MAFK: variants seen among roughly 807,000 people sequenced by gnomAD.
MAFK encodes the protein transcription factor MafK.
A neutral mutation model predicts 9.2 loss-of-function variants in MAFK; 1 was observed. The ratio of observed to expected loss-of-function variants is 0.11; its 90% CI spans 0.04 to 0.52. MAFK has a LOEUF of 0.52. Ranked by LOEUF, MAFK falls within the 20% of genes least tolerant of loss-of-function variation. MAFK has a pLI of 0.94. For synonymous variants in MAFK, 110 were observed against 107.4 expected, an observed-to-expected ratio of 1.02 and a Z score of -0.15; for missense variants, 207 against 236.0, an observed-to-expected ratio of 0.88 and a Z score of 0.81.
At chr7:1,539,003 G>T in intron 1 of MAFK, 146 bp from the exon 2 acceptor site, 1 of 671,526 alleles carries the variant, frequency 1.5e-6, no homozygotes. Flanking sequence ...GGACGGGCTG[G>T]GCCCGGATGG....
intron 2 of MAFK, 98 bp from the exon 3 acceptor site, chr7:1,539,843 C>T (rs572049105): frequency 2.6e-5 from 28 of 1,057,094 alleles, no homozygotes; most frequent in South Asian, 1.5e-4. Flanking sequence ...AGAGCGCAGG[C>T]GTGCAGGGGC....
At chr7:1,537,434 G>A (rs972182054) in intron 1 of MAFK, 12 of 985,520 alleles carry the variant, frequency 1.2e-5, no homozygotes, top group Middle Eastern at 1.0e-3. Flanking sequence ...CGGTGCCCGC[G>A]GCCCCTCCCT....
chr7:1,537,252 C>T (rs763896641), intron 1 of MAFK: 295 of 410,530 alleles, frequency 7.2e-4, no homozygotes, highest in Admixed American at 7.7e-4. Context: ...CTTTTCCGCC[C>T]GGCTGTGCTG....
Position 1,540,418 on chromosome 7 carries a change from A to AT in MAFK, c.*43_*44insT. 3.2e-6 allele frequency: 1 copy of AT among 311,350 alleles called. No individual in the cohort carries two copies. Among genetic ancestry groups the AT allele is most frequent in the Non-Finnish European group, 5.9e-6 (1 of 168,324 alleles). 19.3% of individuals were successfully genotyped at this position (311,350 alleles called of 1,614,324 possible). On this transcript the variant is annotated 3_prime_UTR_variant, in exon 3 of 3. Transcript: ENST00000343242. ...GGGTGGCGGGCGGCGGGCGGCGGGCAGGCGGGTGGGGGCACACCCCTCGTA... is the reference window on the plus strand; with the variant it reads ...GGGTGGCGGGCGGCGGGCGGCGGGCATGGCGGGTGGGGGCACACCCCTCGTA...
At position 1,537,664 on chromosome 7, in the gene MAFK, C is replaced by T. The variant is rs988279841; in HGVS notation, c.-44-1485C>T. On this transcript the variant is annotated intron_variant, in intron 1 of 2. Transcript: ENST00000343242. Reference sequence around the variant, plus strand: ...GATCAGCTGGCCTTGGCAGGGGCAGCGGACTCGGCAGCCTGGCGCAGGACC... The same window carrying T: ...GATCAGCTGGCCTTGGCAGGGGCAGTGGACTCGGCAGCCTGGCGCAGGACC... The T allele has an allele frequency of 3.0e-5, 30 of 985,412 alleles. No individual in the cohort carries two copies. In the Admixed American group the frequency reaches 8.6e-4, roughly 28 times the overall value. The allele number at this position is 985,412 out of a possible 1,614,324, so 61.0% of individuals were successfully genotyped here. A position where few individuals can be genotyped will look rare whatever the true frequency, so the allele number is the denominator to read the frequency against.
At chr7:1,533,042 C>A (rs1400394224) in intron 1 of MAFK, among the ~76,000 whole-genome samples, 5 of 152,230 alleles carry the variant, frequency 3.3e-5, no homozygotes, top group African/African-American at 1.2e-4. Context: ...CCTACAGTTT[C>A]AGGAAACTGG....
In MAFK at chr7:1,532,748, A is replaced by G. The variant is rs529338734; in HGVS notation, c.-45+1850A>G. ...CTGCGTTTGTTTACAGTCTCTGGCA[A>G]AGCTGTTTGCCACCCAGACGGAGAA... is the stretch of plus-strand genomic sequence containing the variant. On this transcript the variant is annotated intron_variant, in intron 1 of 2. Coordinates refer to ENST00000343242, the MANE Select transcript of MAFK (RefSeq NM_002360.4). The surrounding 1 kb of genome is among the most constrained non-coding windows in gnomAD (Gnocchi z 4.5). Among the ~76,000 whole-genome samples, 34 of 152,314 alleles carry G rather than the reference A, an allele frequency of 2.2e-4. 1 individual carries two copies. Among genetic ancestry groups the G allele is most frequent in the African/African-American group, 7.7e-4 (32 of 41,576 alleles).
chr7:1,534,203 C>A lies in MAFK; in HGVS notation c.-45+3305C>A. The stretch of plus-strand genomic sequence containing the variant: ...CTTAGTGGGGCTGTGTCCGGGACAG[C>A]CGGACAGTGGGGGCCCTCGCAGTGT... On this transcript the variant is annotated intron_variant, in intron 1 of 2. Coordinates refer to ENST00000343242, the MANE Select transcript of MAFK (RefSeq NM_002360.4). This position sits in a 1 kb window ranked among gnomAD's most constrained non-coding sequence, Gnocchi z 4.3. 1 of 454,166 alleles carries A rather than the reference C, an allele frequency of 2.2e-6. No individual in the cohort carries two copies. Among genetic ancestry groups the A allele is most frequent in the Non-Finnish European group, 4.4e-6 (1 of 225,344 alleles). 28.1% of individuals were successfully genotyped at this position (454,166 alleles called of 1,614,324 possible).
intron 1 of MAFK, chr7:1,537,786 C>A: frequency 2.6e-6 from 2 of 776,856 alleles, no homozygotes; most frequent in Non-Finnish European, 1.6e-6. Context: ...GGGATTTGGG[C>A]CCGAGGGCTC....
intron 2 of MAFK, 35 bp from the exon 3 acceptor site, chr7:1,539,906 T>C: frequency 6.8e-7 from 1 of 1,474,152 alleles, no homozygotes; most frequent in South Asian, 1.4e-5. Flanking sequence ...CACCCCACGT[T>C]CTCCCGCCGC....
In MAFK at chr7:1,532,517, C is replaced by G. The variant is rs1028256223; in HGVS notation, c.-45+1619C>G. Among the ~76,000 whole-genome samples, 1 of 152,166 alleles carries G rather than the reference C, an allele frequency of 6.6e-6. No homozygotes were observed. Among genetic ancestry groups the G allele is most frequent in the Non-Finnish European group, 1.5e-5 (1 of 68,028 alleles). On this transcript the variant is annotated intron_variant, in intron 1 of 2. Transcript: ENST00000343242. The surrounding 1 kb of genome is among the most constrained non-coding windows in gnomAD (Gnocchi z 4.5). ...CTTCTCCTGCCTTTTATCCTTGAACCGAGCCAGGGCTTTGAGGGGCTGGTT... is the reference window on the plus strand; with the variant it reads ...CTTCTCCTGCCTTTTATCCTTGAACGGAGCCAGGGCTTTGAGGGGCTGGTT...
At chr7:1,533,385 C>T (rs540527145) in intron 1 of MAFK, among the ~76,000 whole-genome samples, 1 of 152,332 alleles carries the variant, frequency 6.6e-6, no homozygotes, top group East Asian at 1.9e-4. Flanking sequence ...GGGAGGCCCC[C>T]TGTCCCCAGA....
rs1275057993 is a variant in MAFK at position 1,539,139 on chromosome 7, T to C, written c.-44-10T>C. 3.7e-6 allele frequency: 6 copies of C among 1,611,280 alleles called. No individual in the cohort carries two copies. Among genetic ancestry groups the C allele is most frequent in the Non-Finnish European group, 4.2e-6 (5 of 1,178,242 alleles). On this transcript the variant is annotated splice_polypyrimidine_tract_variant and intron_variant, in intron 1 of 2. Coordinates refer to ENST00000343242, the MANE Select transcript of MAFK (RefSeq NM_002360.4). ...CTGTGCTGGCTTCTCTGCTTGTCCA[T>C]GTTTTCCAGCTACGAGTTCCAGGGA... is the stretch of plus-strand genomic sequence containing the variant.
At chr7:1,538,220 A>G in intron 1 of MAFK, 1 of 971,138 alleles carries the variant, frequency 1.0e-6, no homozygotes, top group Non-Finnish European at 1.2e-6. Context: ...TTCATGAATG[A>G]TTAGAATGTG....
At chr7:1,530,929 C>T (rs1783888551) in intron 1 of MAFK, 31 bp downstream of exon 1, 3 of 143,588 alleles carry the variant, frequency 2.1e-5, no homozygotes, top group Non-Finnish European at 4.6e-5. Context: ...GGGGCCCGGG[C>T]CGCGGCGGGG....
Position 1,540,703 on chromosome 7 carries a change from TGTGGGGGCTGCCGGAAGACACGGCCCCAG to T in MAFK, c.*330_*358del, listed in dbSNP as rs1784161031. The stretch of plus-strand genomic sequence containing the variant: ...GGCCCTCGGGAAGTTCCGCGTCCTC[TGTGGGGGCTGCCGGAAGACACGGCCCCAG>T]GAGTCAGGCCCCTGTGGTCAGGTCT... On this transcript the variant is annotated 3_prime_UTR_variant, in exon 3 of 3. Coordinates refer to ENST00000343242, the MANE Select transcript of MAFK (RefSeq NM_002360.4). 1 of 308,144 alleles carries T rather than the reference TGTGGGGGCTGCCGGAAGACACGGCCCCAG, an allele frequency of 3.2e-6. No individual in the cohort carries two copies. The highest frequency in any genetic ancestry group is 2.2e-5 in the African/African-American group (1 of 44,726). 19.1% of individuals were successfully genotyped at this position (308,144 alleles called of 1,614,324 possible). A position where few individuals can be genotyped will look rare whatever the true frequency, so the allele number is the denominator to read the frequency against.
Position 1,534,615 on chromosome 7 carries a change from C to T in MAFK, c.-45+3717C>T, listed in dbSNP as rs1006198949. 3.1e-5 allele frequency: 14 copies of T among 455,994 alleles called. No homozygotes were observed. The highest frequency in any genetic ancestry group is 9.3e-5 in the South Asian group (6 of 64,560). 28.2% of individuals were successfully genotyped at this position (455,994 alleles called of 1,614,324 possible). ...CGCATCCCACATCCTCGGAGACCCG[C>T]GGAGAATAGAAGTGGAAGGGCCACT... is the stretch of plus-strand genomic sequence containing the variant. On this transcript the variant is annotated intron_variant, in intron 1 of 2. Transcript: ENST00000343242. The surrounding 1 kb of genome is among the most constrained non-coding windows in gnomAD (Gnocchi z 4.3).
At chr7:1,538,335 T>C in intron 1 of MAFK, 1 of 985,324 alleles carries the variant, frequency 1.0e-6, no homozygotes, top group Non-Finnish European at 1.2e-6. Context: ...CCCTGGTCTC[T>C]GGCTGCGGCC....
intron 1 of MAFK, 142 bp downstream of exon 1, chr7:1,531,040 A>G (rs1300500215): frequency 6.9e-6 from 1 of 145,698 alleles, no homozygotes; most frequent in Non-Finnish European, 1.5e-5. Flanking sequence ...GGGGCCCGAG[A>G]CCCTCATGCG....
Sources: gnomAD v4.1 joint callset for allele counts (sites outside exome capture counted in the v4.1 genomes callset) on GRCh38, gnomAD v4.1.1 for gene constraint, Gnocchi (gnomAD v3.1) non-coding constraint, MANE v1.5 for transcripts, NCBI Gene and HGNC (gene_info 2026-07-23, HGNC 2026-07-21) for gene names.